NT5DC4: variants seen among roughly 807,000 people sequenced by gnomAD.
NT5DC4 encodes 5'-nucleotidase domain-containing protein 4.
In NT5DC4, 44 loss-of-function variants were observed where a neutral mutation model predicts 26.6. The ratio of observed to expected loss-of-function variants is 1.65; its 90% CI spans 1.30 to 2.13. NT5DC4 has a LOEUF of 2.13. Ranked by LOEUF, NT5DC4 falls within the 30% of genes most tolerant of loss-of-function variation. NT5DC4 has a pLI of 0.00. For missense variants in NT5DC4, 399 were observed against 228.1 expected, an observed-to-expected ratio of 1.75 and a Z score of -4.83; for synonymous variants, 157 against 86.7, an observed-to-expected ratio of 1.81 and a Z score of -4.51.
At position 112,722,260 on chromosome 2, in the gene NT5DC4, G is replaced by T; in HGVS notation, c.344G>T (p.Gly115Val). Residue 115 changes from glycine (G) to valine (V), a missense_variant, in exon 4 of 17, where the codon GGC becomes GTC. Physicochemically the swap from Gly to Val is moderately radical, Grantham distance 109 (BLOSUM62 -3). Coordinates refer to ENST00000688554, the MANE Select transcript of NT5DC4 (RefSeq NM_001393655.1). Reference sequence around the variant, plus strand: ...GGGAATGTGCTGCTGGGTGCCTATGGCTTCACCTTCCTCTCGGAGTAAGGG... The same window carrying T: ...GGGAATGTGCTGCTGGGTGCCTATGTCTTCACCTTCCTCTCGGAGTAAGGG... The part of the protein sequence containing the change: ...AHGNVLLGAY[G>V]FTFLSDLPLL... 2.8e-6 allele frequency: 2 copies of T among 717,074 alleles called. No homozygotes were observed. Among genetic ancestry groups the T allele is most frequent in the Non-Finnish European group, 2.6e-6 (1 of 385,092 alleles). 44.4% of individuals were successfully genotyped at this position (717,074 alleles called of 1,614,324 possible).
upstream of NT5DC4, among the ~76,000 whole-genome samples, chr2:112,719,875 C>T (rs1158682137): frequency 8.5e-6 from 1 of 117,242 alleles, no homozygotes; most frequent in Non-Finnish European, 1.7e-5. Flanking sequence ...TCCTTTCTTT[C>T]TCTTTCTTTC....
Position 112,723,822 on chromosome 2 carries a change from G to C in NT5DC4, c.756+20G>C, listed in dbSNP as rs1164659877. 2 of 716,908 alleles carry C rather than the reference G, an allele frequency of 2.8e-6. No homozygotes were observed. Among genetic ancestry groups the C allele is most frequent in the South Asian group, 1.5e-5 (1 of 67,572 alleles). The allele number at this position is 716,908 out of a possible 1,614,324, so 44.4% of individuals were successfully genotyped here. A position where few individuals can be genotyped will look rare whatever the true frequency, so the allele number is the denominator to read the frequency against. ...ACCAATGTGAGTATGTGTATGGAGG[G>C]GTGGACCGTCGGCCTCCTTCCTGGC... On this transcript the variant is annotated intron_variant, in intron 9 of 16. Transcript: ENST00000688554.
intron 16 of NT5DC4, among the ~76,000 whole-genome samples, chr2:112,735,347 G>A (rs1679002570): frequency 6.6e-6 from 1 of 152,086 alleles, no homozygotes; most frequent in African/African-American, 2.4e-5. Flanking sequence ...CCCAGCCTCA[G>A]GAACAGTATT....
chr2:112,726,555 G>A (rs1201263775), intron 14 of NT5DC4, 123 bp from the exon 15 acceptor site: 18 of 696,716 alleles, frequency 2.6e-5, no homozygotes, highest in Middle Eastern at 4.7e-4. Flanking sequence ...CACCCAGCCC[G>A]GCACCCCCAC....
intron 15 of NT5DC4, among the ~76,000 whole-genome samples, chr2:112,728,040 C>T (rs1389659767): frequency 3.9e-5 from 6 of 152,222 alleles, no homozygotes; most frequent in African/African-American, 1.2e-4. Context: ...CCCACTGGTC[C>T]CCAGCCTTGC....
chr2:112,740,027 AG>A (rs1679788763), downstream of NT5DC4, among the ~76,000 whole-genome samples: 1 of 152,116 alleles, frequency 6.6e-6, no homozygotes, highest in Admixed American at 6.6e-5. Context: ...CAATCTTGGC[AG>A]ACTTGCCTGC....
chr2:112,724,725 T>G, intron 10 of NT5DC4, 56 bp from the exon 11 acceptor site: 1 of 706,912 alleles, frequency 1.4e-6, no homozygotes, highest in South Asian at 1.5e-5. Context: ...TGACTGGCTG[T>G]GGCAAGGTCA....
chr2:112,721,380 A>T (rs1413791842), intron 1 of NT5DC4: 1 of 680,036 alleles, frequency 1.5e-6, no homozygotes, highest in Middle Eastern at 2.6e-4. Flanking sequence ...CCCTCCACGA[A>T]GATCTCTCCC....
chr2:112,728,121 ACTGT>A (rs1173870005), intron 15 of NT5DC4, among the ~76,000 whole-genome samples: 3 of 152,212 alleles, frequency 2.0e-5, no homozygotes, highest in African/African-American at 4.8e-5. Flanking sequence ...CTTGCAGATA[ACTGT>A]CTGTGTCTTA....
At chr2:112,729,027 A>G (rs1678126894) in intron 15 of NT5DC4, among the ~76,000 whole-genome samples, 1 of 152,182 alleles carries the variant, frequency 6.6e-6, no homozygotes, top group South Asian at 2.1e-4. Context: ...TATTATTGTT[A>G]AAGTAGAGAC....
intron 15 of NT5DC4, 128 bp downstream of exon 15, chr2:112,726,866 G>T: frequency 1.5e-6 from 1 of 673,826 alleles, no homozygotes; most frequent in South Asian, 1.6e-5. Flanking sequence ...CCTCAGCCTC[G>T]CCTGGGCTCC....
chr2:112,721,913 C>T (rs781348781), intron 2 of NT5DC4, 22 bp downstream of exon 2: 17 of 717,228 alleles, frequency 2.4e-5, no homozygotes, highest in Middle Eastern at 4.6e-4. Context: ...TGGAACACAG[C>T]GTATTGGGAG....
intron 16 of NT5DC4, chr2:112,738,593 T>C (rs1445212553): frequency 7.5e-6 from 4 of 530,144 alleles, no homozygotes; most frequent in African/African-American, 5.7e-5. Flanking sequence ...TATTCAAAAG[T>C]TTGAAATTTA....
upstream of NT5DC4, among the ~76,000 whole-genome samples, chr2:112,719,678 G>A (rs917245764): frequency 6.6e-6 from 1 of 151,694 alleles, no homozygotes; most frequent in Admixed American, 6.6e-5. Context: ...TAGAGATGGG[G>A]TTTCACCGTG....
At chr2:112,740,915 G>A (rs1679897222), downstream of NT5DC4, 1 of 1,613,778 alleles carries the variant, frequency 6.2e-7, no homozygotes, top group Non-Finnish European at 8.5e-7. Context: ...CTCTCTTTTG[G>A]AGAAAGACAA....
intron 6 of NT5DC4, 124 bp downstream of exon 6, chr2:112,722,895 G>A: frequency 2.1e-5 from 4 of 186,660 alleles, no homozygotes; most frequent in South Asian, 1.4e-4. Context: ...AGCTCAGTGG[G>A]AAGGCCTCTA....
intron 16 of NT5DC4, chr2:112,731,216 G>C (rs1457125749): frequency 1.3e-5 from 2 of 151,798 alleles, no homozygotes; most frequent in African/African-American, 4.8e-5. Context: ...AAAGGAAAAA[G>C]CAACTGTATT....
chr2:112,728,853 C>T (rs1184374924), intron 15 of NT5DC4, among the ~76,000 whole-genome samples: 2 of 152,180 alleles, frequency 1.3e-5, no homozygotes, highest in Non-Finnish European at 2.9e-5. Context: ...GCCTGTCAAG[C>T]TCCAGGGGTC....
chr2:112,722,639 A>G (rs1475750014), intron 5 of NT5DC4, 50 bp downstream of exon 5: 1 of 717,420 alleles, frequency 1.4e-6, no homozygotes, highest in South Asian at 1.5e-5. Flanking sequence ...TCCGGAGCTG[A>G]GGGTCCCAGC....
Sources: allele counts gnomAD v4.1 joint callset (sites outside exome capture counted in the v4.1 genomes callset), GRCh38; gene constraint gnomAD v4.1.1; transcripts MANE v1.5; gene names NCBI Gene and HGNC (gene_info 2026-07-23, HGNC 2026-07-21).